The following EP400 variants were observed in gnomAD, a reference collection of about 807,000 sequenced individuals.
EP400 encodes E1A-binding protein p400.
A neutral mutation model predicts 354.1 loss-of-function variants in EP400; 105 were observed. The observed-to-expected ratio is 0.30, with a 90% CI of 0.25 to 0.35. The LOEUF is 0.35. Ranked by LOEUF, EP400 falls within the 10% of genes least tolerant of loss-of-function variation. EP400 has a pLI of 1.00. For synonymous variants in EP400, 1,646 were observed against 1,716.9 expected (o/e 0.96, Z 1.02); for missense variants, 3,280 against 4,121.0 (o/e 0.80, Z 5.59).
In EP400 at chr12:132,075,037, T is replaced by TA. The variant is rs1405470411; in HGVS notation, c.9022-1478dup. ...AGGCTTTCACTCAGCTCTCAGGTGT[T>TA]ACCCACCTGGCCTCTGAATCTGTGT... is the stretch of plus-strand genomic sequence containing the variant. On this transcript the variant is annotated intron_variant, in intron 51 of 52. Coordinates refer to ENST00000389561, the MANE Select transcript of EP400 (RefSeq NM_015409.5). This position sits in a 1 kb window ranked among gnomAD's most constrained non-coding sequence, Gnocchi z 4.5. 6.6e-6 allele frequency among the ~76,000 whole-genome samples: 1 copy of TA among 152,156 alleles called. No homozygotes were observed. Among genetic ancestry groups the TA allele is most frequent in the Non-Finnish European group, 1.5e-5 (1 of 68,032 alleles).
chr12:132,076,126 C>T (rs1219596270), intron 51 of EP400: 6 of 357,830 alleles, frequency 1.7e-5, no homozygotes, highest in Non-Finnish European at 2.2e-5. Context: ...CTGCACTGTA[C>T]AGCTCATTAC....
intron 23 of EP400, among the ~76,000 whole-genome samples, chr12:132,022,852 A>T (rs1003128327): frequency 6.6e-6 from 1 of 152,034 alleles, no homozygotes; most frequent in Non-Finnish European, 1.5e-5. Flanking sequence ...AGGTGGGAGG[A>T]TCGCTTGAAC....
At chr12:131,952,318 A>G (rs1376392453) in intron 1 of EP400, among the ~76,000 whole-genome samples, 4 of 149,132 alleles carry the variant, frequency 2.7e-5, no homozygotes, top group Non-Finnish European at 4.5e-5. Context: ...AAAAAAAAAA[A>G]AAAAAAAGAA....
At chr12:132,073,246 A>C (rs200804532) in intron 51 of EP400, among the ~76,000 whole-genome samples, 1 of 48,622 alleles carries the variant, frequency 2.1e-5, no homozygotes, top group African/African-American at 8.2e-5. Context: ...TTTTTTTTTT[A>C]TCAATTCTCC....
chr12:132,042,526 T>TTCTACATGTTTCTTCTAC (rs1894949326), intron 32 of EP400, among the ~76,000 whole-genome samples: 1 of 151,790 alleles, frequency 6.6e-6, no homozygotes, highest in Non-Finnish European at 1.5e-5. Context: ...TGCATTGTTT[T>TTCTACATGTTTCTTCTAC]ATGTTTGCTA....
At position 131,960,711 on chromosome 12, in the gene EP400, A is replaced by ACC; in HGVS notation, c.95_96dup (p.Asn33ProfsTer30). ...AGCGAGGGTGAGGAGCAGCCGGCCC[A>ACC]CCCCAACCCACCCCCGTCCCCCGCA... On this transcript the variant is annotated frameshift_variant, in exon 2 of 53. Transcript: ENST00000389561. LOFTEE classifies it high-confidence loss of function. 9 of 136,540 alleles carry ACC rather than the reference A, an allele frequency of 6.6e-5. No individual in the cohort carries two copies. Among genetic ancestry groups the ACC allele is most frequent in the South Asian group, 3.2e-4 (4 of 12,508 alleles). The allele number at this position is 136,540 out of a possible 1,614,324, so 8.5% of individuals were successfully genotyped here.
rs531814135 is a variant in EP400, at chr12:132,069,313, A to G, written c.8875-182A>G. The G allele has an allele frequency of 1.9e-5, 15 of 798,514 alleles. 1 individual carries two copies. Among genetic ancestry groups the G allele is most frequent in the Admixed American group, 1.5e-4 (5 of 32,772 alleles). 49.5% of individuals were successfully genotyped at this position (798,514 alleles called of 1,614,324 possible). A position where few individuals can be genotyped will look rare whatever the true frequency, so the allele number is the denominator to read the frequency against. On this transcript the variant is annotated intron_variant, in intron 50 of 52. Transcript: ENST00000389561. ...GCGGCCATGCCGCATGGGCAGAGGT[A>G]GGCCTGGAGGCAGCGGCAGGGATGG...
chr12:132,063,370 G>A (rs1019996652), intron 47 of EP400, among the ~76,000 whole-genome samples: 10 of 152,114 alleles, frequency 6.6e-5, no homozygotes, highest in Non-Finnish European at 1.0e-4. Flanking sequence ...AAAATTAGCC[G>A]GACGTGGTGG....
chr12:131,994,931 A>G lies in EP400; in HGVS notation c.2802A>G (p.Thr934=), dbSNP rs758978477. ...EANEGVVDHQ[T]ELSNLAKEAE... The stretch of plus-strand genomic sequence containing the variant: ...ATGAAGGCGTTGTGGACCACCAAAC[A>G]GAACTTTCTAATTTAGCCAAGGAAG... Residue 934 remains threonine, a synonymous_variant, in exon 12 of 53, where the codon ACA becomes ACG. Transcript: ENST00000389561. This position sits in a 1 kb window ranked among gnomAD's most constrained non-coding sequence, Gnocchi z 4.6. The G allele has an allele frequency of 1.2e-6, 2 of 1,614,112 alleles. No homozygotes were observed. Among genetic ancestry groups the G allele is most frequent in the Admixed American group, 3.3e-5 (2 of 60,026 alleles).
At chr12:131,960,268 G>A (rs775089677) in intron 1 of EP400, among the ~76,000 whole-genome samples, 35 of 152,272 alleles carry the variant, frequency 2.3e-4, no homozygotes, top group East Asian at 5.8e-4. Context: ...CCCACAGGGC[G>A]GCCATGAGGA....
intron 7 of EP400, among the ~76,000 whole-genome samples, chr12:131,988,793 C>CT (rs539659883): frequency 6.6e-6 from 1 of 152,124 alleles, no homozygotes; most frequent in Non-Finnish European, 1.5e-5. Flanking sequence ...TTCTTGGGCC[C>CT]TAGGGTCTTT....
rs1327563128 is a variant in EP400, at chr12:132,025,536, T to G, written c.4856-110T>G. The G allele has an allele frequency of 2.4e-6, 3 of 1,275,112 alleles. No homozygotes were observed. Among genetic ancestry groups the G allele is most frequent in the Non-Finnish European group, 3.2e-6 (3 of 951,850 alleles). The allele number at this position is 1,275,112 out of a possible 1,614,324, so 79.0% of individuals were successfully genotyped here. ...CTTTGCATTGATTTTTTTGTGTAGA[T>G]TTGATTTTCAGTTTGTCAACTTATT... On this transcript the variant is annotated intron_variant, in intron 24 of 52. Transcript: ENST00000389561. This position sits in a 1 kb window ranked among gnomAD's most constrained non-coding sequence, Gnocchi z 4.1.
At chr12:132,043,812 T>A in intron 34 of EP400, 84 bp downstream of exon 34, 1 of 1,250,522 alleles carries the variant, frequency 8.0e-7, no homozygotes, top group Non-Finnish European at 1.1e-6. Flanking sequence ...GTGACTTCAT[T>A]AAATTAAAGT....
rs551658863 is a variant in EP400, at chr12:132,077,601, C to CCAG, written c.9305_9307dup (p.Gln3102dup). On this transcript the variant is annotated inframe_insertion, in exon 53 of 53. Coordinates refer to ENST00000389561, the MANE Select transcript of EP400 (RefSeq NM_015409.5). ...TGCCCGCCAGCTCCGACAGCCCAAG[C>CCAG]CAGCAGCCCAAGTTACAGATGAGGG... 6.8e-5 allele frequency: 109 copies of CCAG among 1,614,008 alleles called. No homozygotes were observed. The highest frequency in any genetic ancestry group is 4.3e-4 in the Admixed American group (26 of 60,016).
chr12:132,043,009 G>A lies in EP400; in HGVS notation c.6208-295G>A, dbSNP rs1894965767. ...TGTTCTCCAAGCTTCCTTGGCCCTGGGTGCCCTGGCACGCTTTGCCTGCAT... is the reference window on the plus strand; with the variant it reads ...TGTTCTCCAAGCTTCCTTGGCCCTGAGTGCCCTGGCACGCTTTGCCTGCAT... On this transcript the variant is annotated intron_variant, in intron 32 of 52. Coordinates refer to ENST00000389561, the MANE Select transcript of EP400 (RefSeq NM_015409.5). Among the ~76,000 whole-genome samples, 2 of 152,196 alleles carry A rather than the reference G, an allele frequency of 1.3e-5. 1 individual carries two copies. Among genetic ancestry groups the A allele is most frequent in the South Asian group, 4.1e-4 (2 of 4,832 alleles).
Position 132,043,508 on chromosome 12 carries a change from C to T in EP400, c.6366+46C>T, listed in dbSNP as rs190922700. The T allele has an allele frequency of 5.4e-4, 864 of 1,594,606 alleles. 7 individuals are homozygous for T. The African/African-American group carries it at 1.0e-2, about 18-fold the overall frequency. On this transcript the variant is annotated intron_variant, in intron 33 of 52. Transcript: ENST00000389561. ...ACAACTACATATTTTAAAAATTTGA[C>T]GCTTCTATAAAATATTTATTGTTTA... is the stretch of plus-strand genomic sequence containing the variant.
In EP400 at chr12:131,960,597, T is replaced by C. The variant is rs1891845344; in HGVS notation, c.-23T>C. ...TTTTAATTTTTAGGAGAACGACACA[T>C]TGGATACAGAAGGGAGGTGATCATG... On this transcript the variant is annotated 5_prime_UTR_variant, in exon 2 of 53. Transcript: ENST00000389561. 10 of 1,565,956 alleles carry C rather than the reference T, an allele frequency of 6.4e-6. No individual in the cohort carries two copies. The highest frequency in any genetic ancestry group is 8.6e-6 in the Non-Finnish European group (10 of 1,156,202).
intron 2 of EP400, among the ~76,000 whole-genome samples, chr12:131,979,207 G>A (rs1223992192): frequency 1.8e-4 from 26 of 145,356 alleles, no homozygotes; most frequent in African/African-American, 6.1e-4. Context: ...GCGAGACTCC[G>A]TCTCAAAAAA....
chr12:132,060,001 T>TA (rs1322237707), intron 45 of EP400, among the ~76,000 whole-genome samples: 1 of 151,268 alleles, frequency 6.6e-6, no homozygotes, highest in Non-Finnish European at 1.5e-5. Flanking sequence ...CCAGCCTGGG[T>TA]GACAGAGCGA....
Sources: allele counts gnomAD v4.1 joint callset (sites outside exome capture counted in the v4.1 genomes callset), GRCh38; gene constraint gnomAD v4.1.1; non-coding constraint Gnocchi (gnomAD v3.1); transcripts MANE v1.5; gene names NCBI Gene and HGNC (gene_info 2026-07-23, HGNC 2026-07-21).